Variants in NLRP11 observed in about 807,000 individuals in gnomAD.
NLRP11 encodes the protein NLR family pyrin domain containing 11.
NLRP11 carries 53 observed loss-of-function variants against 79.3 expected under a neutral mutation model. That is an observed-to-expected ratio of 0.67 (90% CI 0.54 to 0.84). The LOEUF (loss-of-function observed/expected upper bound fraction) is 0.84. NLRP11 is among the 40% of genes least tolerant of loss of function. The pLI, the probability that NLRP11 is intolerant of heterozygous loss-of-function variation, is 0.00. For missense variants in NLRP11, 1,264 were observed against 1,255.0 expected (o/e 1.01, Z -0.11); for synonymous variants, 518 against 462.6 (o/e 1.12, Z -1.54).
chr19:55,793,445 G>A (rs1464689390), intron 6 of NLRP11, among the ~76,000 whole-genome samples: 1 of 150,048 alleles, frequency 6.7e-6, no homozygotes, highest in Non-Finnish European at 1.5e-5. Context: ...GTGTGCACCT[G>A]TAGTCCCAAC....
intron 5 of NLRP11, 94 bp from the exon 6 acceptor site, chr19:55,796,344 G>A (rs1978869404): frequency 2.1e-6 from 2 of 948,476 alleles, no homozygotes; most frequent in Non-Finnish European, 3.1e-6. Flanking sequence ...ACCTAACCAA[G>A]TGCGATGATG....
chr19:55,796,267 GA>G lies in NLRP11; in HGVS notation c.2172-18del, dbSNP rs1568629898. 1 of 1,561,048 alleles carries G rather than the reference GA, an allele frequency of 6.4e-7. No individual in the cohort carries two copies. Among genetic ancestry groups the G allele is most frequent in the South Asian group, 1.2e-5 (1 of 85,606 alleles). On this transcript the variant is annotated intron_variant, in intron 5 of 9. Coordinates refer to ENST00000589093, the Ensembl canonical transcript of NLRP11. ...TTCATCAAGCTGTAAGAGGAATTCA[GA>G]AATGAAAAGAGGCTCCCGCGTTTAA...
At chr19:55,819,715 C>T (rs1466294210) in intron 1 of NLRP11, among the ~76,000 whole-genome samples, 1 of 152,088 alleles carries the variant, frequency 6.6e-6, no homozygotes, top group Admixed American at 6.6e-5. Context: ...CTAGACTGCT[C>T]GATCTCTAAC....
At chr19:55,823,106 C>G (rs1294292824) in intron 1 of NLRP11, among the ~76,000 whole-genome samples, 1 of 147,172 alleles carries the variant, frequency 6.8e-6, no homozygotes, top group Non-Finnish European at 1.5e-5. Flanking sequence ...TCCCTGACCC[C>G]TGACCCCCAA....
chr19:55,808,819 A>G (rs17853319), exon 3 of NLRP11: 13 of 1,613,538 alleles, frequency 8.1e-6, no homozygotes, highest in Non-Finnish European at 1.1e-5. Flanking sequence ...TGCGCTGAAC[A>G]CTCAACTTAA....
At chr19:55,820,851 C>CCA (rs1981626732) in intron 1 of NLRP11, among the ~76,000 whole-genome samples, 1 of 152,080 alleles carries the variant, frequency 6.6e-6, no homozygotes, top group African/African-American at 2.4e-5. Flanking sequence ...ATACAGGTGT[C>CCA]GTGTTGGCTG....
chr19:55,830,598 TA>T (rs201476127), intron 1 of NLRP11, among the ~76,000 whole-genome samples: 1,443 of 129,100 alleles, frequency 0.011, 11 homozygotes, highest in Non-Finnish European at 0.016. Context: ...CTTAGCTTCC[TA>T]AAAAAAAAAA....
intron 1 of NLRP11, among the ~76,000 whole-genome samples, chr19:55,821,203 T>TCACACACACACA (rs1211992513): frequency 3.7e-4 from 42 of 113,258 alleles, no homozygotes; most frequent in East Asian, 7.7e-4. Context: ...TCTCTCTCTC[T>TCACACACACACA]CTCACACACA....
rs777371539 is a variant in NLRP11, at chr19:55,785,637, C to T, written c.3090G>A (p.Arg1030=). 50 of 1,613,174 alleles carry T rather than the reference C, an allele frequency of 3.1e-5. 1 individual carries two copies. The South Asian group carries it at 4.9e-4, about 16-fold the overall frequency. Residue 1030 remains arginine, a synonymous_variant, in exon 10 of 10, where the codon AGG becomes AGA. Transcript: ENST00000589093. Reference sequence around the variant, plus strand: ...ACGTACAACATGATCAAAGGGGTTGCCTAGATGCTGTATTTGACGTTCTCA... The same window carrying T: ...ACGTACAACATGATCAAAGGGGTTGTCTAGATGCTGTATTTGACGTTCTCA...
Position 55,809,778 on chromosome 19 carries a change from T to C in NLRP11, c.832A>G (p.Arg278Gly). The C allele has an allele frequency of 6.2e-7, 1 of 1,614,182 alleles. No homozygotes were observed. The highest frequency in any genetic ancestry group is 8.5e-7 in the Non-Finnish European group (1 of 1,180,020). ...TTTACATTATTCCCACGTGTGGGCC[T>C]TGAGGAGATGAGGAACCAGCAGCCT... The change falls in exon 3 of 10, where the codon AGG (arginine) becomes GGG (glycine). Residue 278 changes from arginine to glycine, a missense_variant. Arg to Gly is a moderately radical substitution (Grantham distance 125). Transcript: ENST00000589093. The surrounding 1 kb of genome is among the most constrained non-coding windows in gnomAD (Gnocchi z 4.5).
intron 2 of NLRP11, among the ~76,000 whole-genome samples, chr19:55,816,845 A>C (rs1981166069): frequency 6.6e-6 from 1 of 152,214 alleles, no homozygotes; most frequent in African/African-American, 2.4e-5. Context: ...CAGAAAATAA[A>C]GGTAGGATCA....
intron 9 of NLRP11, 22 bp downstream of exon 9, chr19:55,788,785 C>T (rs1990055877): frequency 8.4e-7 from 1 of 1,189,024 alleles, no homozygotes; most frequent in South Asian, 1.5e-5. Flanking sequence ...TTCCCCATCA[C>T]CAAGGAAAAT....
chr19:55,815,528 C>CAAAAAAAAAAAAAA (rs11343133), intron 2 of NLRP11, among the ~76,000 whole-genome samples: 1 of 92,826 alleles, frequency 1.1e-5, no homozygotes, highest in African/African-American at 3.6e-5. Flanking sequence ...GACTCCATCT[C>CAAAAAAAAAAAAAA]AAAAAAAAAA....
At chr19:55,806,721 GA>G (rs1183027358) in intron 4 of NLRP11, among the ~76,000 whole-genome samples, 1 of 152,106 alleles carries the variant, frequency 6.6e-6, no homozygotes, top group Non-Finnish European at 1.5e-5. Context: ...CCTCACTCCA[GA>G]AAACCCAGTC....
chr19:55,786,824 T>C (rs1989908235), intron 9 of NLRP11, among the ~76,000 whole-genome samples: 5 of 152,244 alleles, frequency 3.3e-5, no homozygotes, highest in Admixed American at 2.6e-4. Flanking sequence ...CATTTGAAGG[T>C]GAGAAGAGCC....
At chr19:55,790,201 G>A (rs992164230) in intron 7 of NLRP11, among the ~76,000 whole-genome samples, 28 of 152,128 alleles carry the variant, frequency 1.8e-4, no homozygotes. Flanking sequence ...GTGCCCTTAG[G>A]ATTGAATTAA....
chr19:55,819,188 C>CACACACACAG (rs1981446576), intron 1 of NLRP11, among the ~76,000 whole-genome samples: 1 of 138,704 alleles, frequency 7.2e-6, no homozygotes, highest in Non-Finnish European at 1.6e-5. Context: ...CACACACACA[C>CACACACACAG]AGGTTGCCTC....
chr19:55,812,540 T>C (rs1190742777), intron 2 of NLRP11, among the ~76,000 whole-genome samples: 8 of 152,132 alleles, frequency 5.3e-5, no homozygotes, highest in Non-Finnish European at 1.0e-4. Flanking sequence ...AAAATCACGA[T>C]GAGCTATTCC....
chr19:55,796,229 T>C (rs1402067492), exon 6 of NLRP11: 1 of 1,613,048 alleles, frequency 6.2e-7, no homozygotes, highest in Admixed American at 1.7e-5. Context: ...ATTCGCTGGC[T>C]CGCAAATCAC....
Sources: allele counts gnomAD v4.1 joint callset (sites outside exome capture counted in the v4.1 genomes callset), GRCh38; gene constraint gnomAD v4.1.1; non-coding constraint Gnocchi (gnomAD v3.1); transcripts MANE v1.5; gene names NCBI Gene and HGNC (gene_info 2026-07-23, HGNC 2026-07-21).